The following ZEB2 variants were observed in gnomAD, a reference collection of about 807,000 sequenced individuals.
The protein encoded by ZEB2 is zinc finger E-box binding homeobox 2.
A neutral mutation model predicts 99.9 loss-of-function variants in ZEB2; 6 were observed. The observed-to-expected ratio is 0.06, with a 90% confidence interval of 0.03 to 0.12. The LOEUF is 0.12. Ranked by LOEUF, ZEB2 falls within the 10% of genes least tolerant of loss-of-function variation. ZEB2 has a pLI of 1.00. For missense variants in ZEB2, 969 were observed against 1,502.8 expected, an observed-to-expected ratio of 0.64 and a Z score of 5.87; for synonymous variants, 517 against 542.5, an observed-to-expected ratio of 0.95 and a Z score of 0.65.
intron 2 of ZEB2, among the ~76,000 whole-genome samples, chr2:144,485,282 T>C (rs1704578019): frequency 6.6e-6 from 1 of 152,170 alleles, no homozygotes; most frequent in African/African-American, 2.4e-5. Context: ...GAAAATTAAA[T>C]ATAAATGCCA....
In ZEB2 at chr2:144,398,926, C is replaced by A. The variant is rs745811811; in HGVS notation, c.2261G>T (p.Cys754Phe). Residue 754 changes from cysteine to phenylalanine, a missense_variant, in exon 8 of 10, where the codon TGT becomes TTT. Coordinates refer to ENST00000627532, the MANE Select transcript of ZEB2 (RefSeq NM_014795.4). ...TTTTGTTAGCCTGAGAGGAGGATCA[C>A]AATTCGTAACACTGTTGTGGAGTTC... ...IAELHNSVTN[C>F]DPPLRLTKPS... The A allele has an allele frequency of 6.2e-7, 1 of 1,614,144 alleles. No individual in the cohort carries two copies. Among genetic ancestry groups the A allele is most frequent in the African/African-American group, 1.3e-5 (1 of 75,034 alleles).
chr2:144,510,721 T>G (rs1011321984), intron 2 of ZEB2, among the ~76,000 whole-genome samples: 7 of 152,046 alleles, frequency 4.6e-5, no homozygotes, highest in Admixed American at 2.6e-4. Flanking sequence ...TCTCTCTTTC[T>G]CTCTCTCTTT....
At chr2:144,513,963 G>A (rs1032908203) in intron 2 of ZEB2, 1 of 1,357,532 alleles carries the variant, frequency 7.4e-7, no homozygotes, top group Non-Finnish European at 9.8e-7. Context: ...CGGGCAACTC[G>A]CTTTTTGCCT....
chr2:144,388,220 C>T lies in ZEB2; in HGVS notation c.*1231G>A, dbSNP rs550711574. The T allele has an allele frequency of 9.9e-5, 15 of 152,264 alleles. No individual in the cohort carries two copies. The East Asian group carries it at 1.5e-3, about 16-fold the overall frequency. 9.4% of individuals were successfully genotyped at this position (152,264 alleles called of 1,614,324 possible). A position where few individuals can be genotyped will look rare whatever the true frequency, so the allele number is the denominator to read the frequency against. Reference sequence around the variant, plus strand: ...CGAAAATACAGTGTTTTCACAAGATCGTATCAAAAGTTCCCAAATTTGGAA... The same window carrying T: ...CGAAAATACAGTGTTTTCACAAGATTGTATCAAAAGTTCCCAAATTTGGAA... On this transcript the variant is annotated 3_prime_UTR_variant, in exon 10 of 10. Coordinates refer to ENST00000627532, the MANE Select transcript of ZEB2 (RefSeq NM_014795.4). The surrounding 1 kb of genome is among the most constrained non-coding windows in gnomAD (Gnocchi z 5.4).
Position 144,399,041 on chromosome 2 carries a change from C to T in ZEB2, c.2146G>A (p.Ala716Thr). 6.2e-7 allele frequency: 1 copy of T among 1,614,114 alleles called. No individual in the cohort carries two copies. The highest frequency in any genetic ancestry group is 8.5e-7 in the Non-Finnish European group (1 of 1,179,988). ...TTTGTGGGAGGGTTACTGTTGGGAGCTAACGGCTTGGAGCTTCTTTCCAGG... is the reference window on the plus strand; with the variant it reads ...TTTGTGGGAGGGTTACTGTTGGGAGTTAACGGCTTGGAGCTTCTTTCCAGG... ...PSLERSSKPL[A>T]PNSNPPTKDS... is the part of the protein sequence containing the mutation. Residue 716 changes from alanine to threonine, a missense_variant, in exon 8 of 10, where the codon GCT becomes ACT. Around this residue, in one of 8 missense-constraint regions of ZEB2, gnomAD observed 346 missense variants for 460.0 expected, o/e 0.75. Transcript: ENST00000627532. The surrounding 1 kb of genome is among the most constrained non-coding windows in gnomAD (Gnocchi z 5.6).
rs771709950 is a variant in ZEB2, at chr2:144,403,961, G to T, written c.762C>A (p.Thr254=). The part of the protein sequence containing the change: ...PLCSYTFAYR[T]QLERHMVTHK... ...GTGTCACCATATGCCGCTCGAGCTGGGTGCGGTAGGCAAACGTGTAGCTAC... is the reference window on the plus strand; with the variant it reads ...GTGTCACCATATGCCGCTCGAGCTGTGTGCGGTAGGCAAACGTGTAGCTAC... Residue 254 remains threonine (T), a synonymous_variant, in exon 6 of 10, where the codon ACC becomes ACA. Transcript: ENST00000627532. 3 of 1,614,148 alleles carry T rather than the reference G, an allele frequency of 1.9e-6. No homozygotes were observed. Among genetic ancestry groups the T allele is most frequent in the African/African-American group, 1.3e-5 (1 of 75,024 alleles).
chr2:144,464,869 G>C (rs1483807527), intron 2 of ZEB2, among the ~76,000 whole-genome samples: 1 of 152,148 alleles, frequency 6.6e-6, no homozygotes, highest in African/African-American at 2.4e-5. Flanking sequence ...TGACATCGAA[G>C]TGGCCATAAA....
At position 144,388,898 on chromosome 2, in the gene ZEB2, A is replaced by G; in HGVS notation, c.*553T>C. ...CTTCAAGTTCCTTCACAGAAAAAAA[A>G]AAAAATTGAGGCCTAAAATTGTGTG... On this transcript the variant is annotated 3_prime_UTR_variant, in exon 10 of 10. Coordinates refer to ENST00000627532, the MANE Select transcript of ZEB2 (RefSeq NM_014795.4). The surrounding 1 kb of genome is among the most constrained non-coding windows in gnomAD (Gnocchi z 5.4). 2.2e-6 allele frequency: 1 copy of G among 460,138 alleles called. No individual in the cohort carries two copies. The highest frequency in any genetic ancestry group is 2.4e-5 in the Admixed American group (1 of 41,254). The allele number at this position is 460,138 out of a possible 1,614,324, so 28.5% of individuals were successfully genotyped here.
intron 2 of ZEB2, chr2:144,512,307 T>G (rs1030705684): frequency 2.3e-6 from 3 of 1,287,212 alleles, no homozygotes; most frequent in Non-Finnish European, 3.0e-6. Context: ...CTTGGAAGAA[T>G]GCAGATGACA....
chr2:144,390,068 T>C (rs976663238), intron 9 of ZEB2, 40 bp from the exon 10 acceptor site: 25 of 1,591,752 alleles, frequency 1.6e-5, no homozygotes, highest in Non-Finnish European at 2.1e-5. Context: ...TTAGTGTCTT[T>C]GCATGAAGTC....
chr2:144,503,368 G>T (rs532949891), intron 2 of ZEB2, among the ~76,000 whole-genome samples: 1 of 152,264 alleles, frequency 6.6e-6, no homozygotes, highest in Admixed American at 6.5e-5. Flanking sequence ...TGCCAGCAAG[G>T]CATCTTCAGC....
In ZEB2 at chr2:144,450,623, G is replaced by A. The variant is rs567283258; in HGVS notation, c.74-20597C>T. Among the ~76,000 whole-genome samples, 39 of 152,252 alleles carry A rather than the reference G, an allele frequency of 2.6e-4. No homozygotes were observed. In the South Asian group the frequency reaches 8.1e-3, roughly 32 times the overall value. On this transcript the variant is annotated intron_variant, in intron 2 of 9. Coordinates refer to ENST00000627532, the MANE Select transcript of ZEB2 (RefSeq NM_014795.4). ...TAAAATAAGAATCATGCAAAGAAGT[G>A]TGTGGCTTACAACTGCATGTTACTT...
chr2:144,503,572 A>C (rs1704905016), intron 2 of ZEB2: 1 of 152,170 alleles, frequency 6.6e-6, no homozygotes, highest in African/African-American at 2.4e-5. Context: ...TAAAAACACC[A>C]GCCCCCTCCC....
At chr2:144,443,864 A>T (rs929375779) in intron 2 of ZEB2, among the ~76,000 whole-genome samples, 2 of 151,952 alleles carry the variant, frequency 1.3e-5, no homozygotes, top group East Asian at 3.8e-4. Context: ...ATGTATTTAA[A>T]AAAAAAAAAA....
At chr2:144,473,784 G>A (rs1704392971) in intron 2 of ZEB2, among the ~76,000 whole-genome samples, 1 of 152,226 alleles carries the variant, frequency 6.6e-6, no homozygotes, top group East Asian at 1.9e-4. Flanking sequence ...GCTAAGTCAT[G>A]GTGAATGCCT....
chr2:144,511,081 T>C (rs554365136), intron 2 of ZEB2, among the ~76,000 whole-genome samples: 2 of 152,310 alleles, frequency 1.3e-5, no homozygotes, highest in Admixed American at 6.5e-5. Flanking sequence ...TTTTCCCCCA[T>C]TTGCCTCCCA....
intron 2 of ZEB2, among the ~76,000 whole-genome samples, chr2:144,487,515 T>C (rs1207128074): frequency 2.0e-5 from 3 of 152,146 alleles, no homozygotes; most frequent in Non-Finnish European, 4.4e-5. Flanking sequence ...AAGAAATTGA[T>C]TTAGGAATAG....
intron 4 of ZEB2, among the ~76,000 whole-genome samples, chr2:144,411,350 G>A (rs537557336): frequency 2.9e-4 from 44 of 151,972 alleles, no homozygotes; most frequent in African/African-American, 1.0e-3. Context: ...TATTTTGAAT[G>A]TAGTCATTTG....
At chr2:144,410,704 A>G (rs1467227019) in intron 4 of ZEB2, among the ~76,000 whole-genome samples, 1 of 152,180 alleles carries the variant, frequency 6.6e-6, no homozygotes, top group Non-Finnish European at 1.5e-5. Context: ...AGTGGAAGAC[A>G]GGTACTCTAT....
Sources: allele counts gnomAD v4.1 joint callset (sites outside exome capture counted in the v4.1 genomes callset), GRCh38; gene constraint gnomAD v4.1.1; regional missense constraint gnomAD v4.1.1; non-coding constraint Gnocchi (gnomAD v3.1); transcripts MANE v1.5; gene names NCBI Gene and HGNC (gene_info 2026-07-23, HGNC 2026-07-21).